Variants in GSK3B observed in about 807,000 individuals in gnomAD.
The protein encoded by GSK3B is glycogen synthase kinase 3 beta, also known as glycogen synthase kinase-3 beta.
In GSK3B, 15 loss-of-function variants were observed where a neutral mutation model predicts 56.4. The ratio of observed to expected loss-of-function variants is 0.27; its 90% CI spans 0.18 to 0.41. The LOEUF (loss-of-function observed/expected upper bound fraction) is 0.41, where lower values mean the gene tolerates loss of function less well. Among genes scored for constraint, GSK3B ranks in the 10% least tolerant of loss-of-function variants. The pLI, the probability that GSK3B is intolerant of heterozygous loss-of-function variation, is 1.00. For missense variants in GSK3B, 300 were observed against 513.4 expected (o/e 0.58, Z 4.02); for synonymous variants, 181 against 188.9 (o/e 0.96, Z 0.34).
At chr3:120,000,242 A>AAATC (rs1369226546) in intron 2 of GSK3B, among the ~76,000 whole-genome samples, 1 of 152,234 alleles carries the variant, frequency 6.6e-6, no homozygotes, top group Non-Finnish European at 1.5e-5. Context: ...AAGAAAAGGC[A>AAATC]AATCCAAAGT....
intron 1 of GSK3B, among the ~76,000 whole-genome samples, chr3:120,054,675 A>G (rs1352944995): frequency 6.6e-6 from 1 of 152,108 alleles, no homozygotes; most frequent in Non-Finnish European, 1.5e-5. Flanking sequence ...TCAAAGGATG[A>G]TCTTAAGCAT....
chr3:120,092,515 GACA>G (rs1230558101), intron 1 of GSK3B, among the ~76,000 whole-genome samples: 1 of 152,186 alleles, frequency 6.6e-6, no homozygotes, highest in South Asian at 2.1e-4. Context: ...ATGAGCCAGT[GACA>G]ACATTTAACT....
chr3:120,030,973 C>T (rs1446234627), intron 1 of GSK3B, among the ~76,000 whole-genome samples: 1 of 152,168 alleles, frequency 6.6e-6, no homozygotes, highest in African/African-American at 2.4e-5. Context: ...AAAAACTGCT[C>T]CTAACAAACT....
chr3:119,895,432 AT>A (rs36078597), intron 7 of GSK3B, among the ~76,000 whole-genome samples: 82,053 of 152,016 alleles, frequency 0.54, 25,740 homozygotes, highest in African/African-American at 0.88. Flanking sequence ...TTCAGGATAG[AT>A]TACCTAGAAG....
chr3:119,857,542 T>G (rs1577319289), intron 9 of GSK3B, among the ~76,000 whole-genome samples: 1 of 152,336 alleles, frequency 6.6e-6, no homozygotes, highest in East Asian at 1.9e-4. Flanking sequence ...ACTTTTCAGG[T>G]TTCACTTTTA....
At chr3:120,056,687 A>G (rs2058194066) in intron 1 of GSK3B, among the ~76,000 whole-genome samples, 1 of 152,178 alleles carries the variant, frequency 6.6e-6, no homozygotes, top group Admixed American at 6.5e-5. Flanking sequence ...TGAGAGCAAG[A>G]AGTTTAAACA....
chr3:119,971,813 G>A lies in GSK3B; in HGVS notation c.283-24462C>T, dbSNP rs1302254910. On this transcript the variant is annotated intron_variant, in intron 2 of 10. Transcript: ENST00000264235. ...TTTTTAGTAGAGACAGGGTTTCACC[G>A]TTTTAGCCGGGATGGTCTCGATCTC... 5.3e-5 allele frequency among the ~76,000 whole-genome samples: 8 copies of A among 150,510 alleles called. No homozygotes were observed. In the South Asian group the frequency reaches 6.3e-4, roughly 12 times the overall value.
At chr3:120,064,488 A>G (rs542348987) in intron 1 of GSK3B, among the ~76,000 whole-genome samples, 2 of 152,280 alleles carry the variant, frequency 1.3e-5, no homozygotes, top group South Asian at 4.1e-4. Flanking sequence ...GAAAACTACA[A>G]AACATTGCTA....
At chr3:120,027,644 T>C (rs2057939524) in intron 1 of GSK3B, among the ~76,000 whole-genome samples, 1 of 152,134 alleles carries the variant, frequency 6.6e-6, no homozygotes. Flanking sequence ...TTTCCAAGAA[T>C]ATTTAATGGT....
chr3:119,889,826 G>C (rs551398136), intron 7 of GSK3B, among the ~76,000 whole-genome samples: 1 of 151,246 alleles, frequency 6.6e-6, no homozygotes, highest in South Asian at 2.1e-4. Flanking sequence ...AACACATAGA[G>C]TAAAAGTAAA....
At chr3:119,931,819 A>T (rs2056948692) in intron 3 of GSK3B, among the ~76,000 whole-genome samples, 1 of 152,140 alleles carries the variant, frequency 6.6e-6, no homozygotes, top group Non-Finnish European at 1.5e-5. Flanking sequence ...TACAAAGTGG[A>T]TCTACTTAGA....
intron 1 of GSK3B, among the ~76,000 whole-genome samples, chr3:120,013,962 G>A (rs1335170137): frequency 6.6e-6 from 1 of 151,078 alleles, no homozygotes; most frequent in Non-Finnish European, 1.5e-5. Context: ...CTGAGGTCAG[G>A]AGTTCGAGAC....
At chr3:119,886,395 G>A (rs1253003521) in intron 7 of GSK3B, among the ~76,000 whole-genome samples, 1 of 152,098 alleles carries the variant, frequency 6.6e-6, no homozygotes, top group Non-Finnish European at 1.5e-5. Flanking sequence ...AACAACAGAT[G>A]CTGGTGAGGC....
At chr3:119,981,187 G>A (rs988826968) in intron 2 of GSK3B, among the ~76,000 whole-genome samples, 5 of 152,192 alleles carry the variant, frequency 3.3e-5, no homozygotes, top group Non-Finnish European at 7.3e-5. Flanking sequence ...AAACTTACAA[G>A]GTTTTCAACA....
intron 1 of GSK3B, among the ~76,000 whole-genome samples, chr3:120,068,056 T>C (rs957120780): frequency 1.3e-5 from 2 of 152,176 alleles, no homozygotes; most frequent in Non-Finnish European, 1.5e-5. Flanking sequence ...TAGAAACAAA[T>C]AGTATTTTCC....
intron 1 of GSK3B, among the ~76,000 whole-genome samples, chr3:120,058,051 A>G (rs1311805089): frequency 6.6e-6 from 1 of 152,086 alleles, no homozygotes; most frequent in African/African-American, 2.4e-5. Flanking sequence ...CAACAAAAAT[A>G]TTTTATTTAT....
chr3:119,831,500 A>G (rs1226462905), intron 10 of GSK3B, among the ~76,000 whole-genome samples: 1 of 152,008 alleles, frequency 6.6e-6, no homozygotes. Flanking sequence ...TACTAAAAAT[A>G]CCAAAAATTA....
intron 1 of GSK3B, among the ~76,000 whole-genome samples, chr3:120,053,890 C>A (rs1011756075): frequency 6.6e-6 from 1 of 152,196 alleles, no homozygotes; most frequent in Admixed American, 6.5e-5. Context: ...GCCTTCCAGT[C>A]ACGTGGAACT....
At chr3:119,986,686 G>T (rs1326362907) in intron 2 of GSK3B, among the ~76,000 whole-genome samples, 1 of 152,336 alleles carries the variant, frequency 6.6e-6, no homozygotes, top group African/African-American at 2.4e-5. Flanking sequence ...GGAAACAACA[G>T]ATGCTGGAGA....
Sources: allele counts gnomAD v4.1 joint callset (sites outside exome capture counted in the v4.1 genomes callset), GRCh38; gene constraint gnomAD v4.1.1; transcripts MANE v1.5; gene names NCBI Gene and HGNC (gene_info 2026-07-23, HGNC 2026-07-21).